MPP7: variants seen among roughly 807,000 people sequenced by gnomAD.
The protein encoded by MPP7 is MAGUK p55 subfamily member 7.
MPP7 carries 60 observed loss-of-function variants against 76.5 expected under a neutral mutation model. That is an observed-to-expected ratio of 0.78 (90% CI 0.64 to 0.97). MPP7 has a LOEUF of 0.97. Ranked by LOEUF, MPP7 falls within the 50% of genes least tolerant of loss-of-function variation. The pLI is 0.00. For synonymous variants in MPP7, 237 were observed against 244.5 expected (o/e 0.97, Z 0.29); for missense variants, 641 against 694.0 (o/e 0.92, Z 0.86).
chr10:28,247,040 T>C (rs972112570), intron 1 of MPP7, among the ~76,000 whole-genome samples: 1 of 152,174 alleles, frequency 6.6e-6, no homozygotes, highest in Non-Finnish European at 1.5e-5. Flanking sequence ...CATAGCCCAT[T>C]ATGACTGATA....
chr10:28,147,654 G>T, intron 4 of MPP7, 91 bp from the exon 5 acceptor site: 1 of 1,081,104 alleles, frequency 9.2e-7, no homozygotes, highest in Non-Finnish European at 1.4e-6. Context: ...CTTGCTCAAG[G>T]CTATTACTTT....
intron 2 of MPP7, among the ~76,000 whole-genome samples, chr10:28,209,353 C>T (rs990669669): frequency 6.6e-6 from 1 of 151,702 alleles, no homozygotes; most frequent in African/African-American, 2.4e-5. Flanking sequence ...TCTATAGCAC[C>T]AGCTACTTGG....
chr10:28,177,032 A>C (rs187370232), intron 3 of MPP7, among the ~76,000 whole-genome samples: 48 of 151,890 alleles, frequency 3.2e-4, no homozygotes, highest in Admixed American at 2.9e-3. Flanking sequence ...ATAATTTAAA[A>C]AAAAAAAAGA....
chr10:28,100,910 C>G (rs913134547), intron 11 of MPP7, among the ~76,000 whole-genome samples: 1 of 151,914 alleles, frequency 6.6e-6, no homozygotes, highest in East Asian at 1.9e-4. Flanking sequence ...AGAGAAGAAA[C>G]CATATGAGAA....
At chr10:28,062,678 A>G (rs1391377709) in intron 13 of MPP7, among the ~76,000 whole-genome samples, 1 of 152,032 alleles carries the variant, frequency 6.6e-6, no homozygotes, top group African/African-American at 2.4e-5. Context: ...CAAAGAAAGC[A>G]TTTTTTAAAA....
chr10:28,194,848 A>C (rs1454634803), intron 3 of MPP7, among the ~76,000 whole-genome samples: 1 of 152,200 alleles, frequency 6.6e-6, no homozygotes, highest in Non-Finnish European at 1.5e-5. Context: ...ATAAACCTTA[A>C]TGTAGATAAT....
Position 28,120,661 on chromosome 10 carries a change from G to T in MPP7, c.623C>A (p.Ser208Tyr). ...AATCTTAAATGTAATTGCTCCCTGA[G>T]ACTGAGCCTGGTAACAGATAAAACA... Reference protein sequence around the residue: ...PEEIIQILAQSQGAITFKIIP... With the variant: ...PEEIIQILAQYQGAITFKIIP... The change falls in exon 9 of 17, where the codon TCT becomes TAT. Residue 208 changes from serine (S) to tyrosine (Y), a missense_variant. By Grantham distance (144) the Ser-to-Tyr change is moderately radical (BLOSUM62 -2). Coordinates refer to ENST00000683449, the MANE Select transcript of MPP7 (RefSeq NM_001318170.2). 1 of 1,613,240 alleles carries T rather than the reference G, an allele frequency of 6.2e-7. No individual in the cohort carries two copies. The highest frequency in any genetic ancestry group is 8.5e-7 in the Non-Finnish European group (1 of 1,179,458).
chr10:28,255,629 T>A (rs1839760504), intron 1 of MPP7, among the ~76,000 whole-genome samples: 1 of 151,876 alleles, frequency 6.6e-6, no homozygotes, highest in Non-Finnish European at 1.5e-5. Flanking sequence ...ATGGTCTCAA[T>A]CTCCTGACCT....
chr10:28,189,596 A>C (rs983743434), intron 3 of MPP7, among the ~76,000 whole-genome samples: 24 of 138,818 alleles, frequency 1.7e-4, no homozygotes, highest in Non-Finnish European at 3.4e-4. Flanking sequence ...AAAAAAAAAA[A>C]AAACCTGTAT....
intron 11 of MPP7, among the ~76,000 whole-genome samples, chr10:28,112,679 A>G (rs1669024361): frequency 6.6e-6 from 1 of 152,178 alleles, no homozygotes. Context: ...AAGTTTGAAC[A>G]AAGAGGAAAA....
chr10:28,099,937 T>C (rs1028950528), intron 11 of MPP7, among the ~76,000 whole-genome samples: 3 of 152,102 alleles, frequency 2.0e-5, no homozygotes, highest in Non-Finnish European at 4.4e-5. Flanking sequence ...TCTTTTTTTC[T>C]CACCTTAAAA....
At chr10:28,153,240 C>T (rs984411546) in intron 3 of MPP7, among the ~76,000 whole-genome samples, 6 of 151,884 alleles carry the variant, frequency 4.0e-5, no homozygotes, top group East Asian at 1.9e-4. Flanking sequence ...GGCTACAGAG[C>T]GAGACTCCAT....
intron 8 of MPP7, among the ~76,000 whole-genome samples, chr10:28,123,601 T>C (rs1309430613): frequency 6.6e-6 from 1 of 151,140 alleles, no homozygotes. Flanking sequence ...CCCAAGTAGC[T>C]AGGACTACAG....
chr10:28,325,725 C>T (rs1189622067), intron 2 of MPP7, among the ~76,000 whole-genome samples: 1 of 151,808 alleles, frequency 6.6e-6, no homozygotes, highest in Non-Finnish European at 1.5e-5. Flanking sequence ...AACTCCTGGC[C>T]TCAAATGATC....
chr10:28,176,339 C>T (rs1836858156), intron 3 of MPP7, among the ~76,000 whole-genome samples: 1 of 143,430 alleles, frequency 7.0e-6, no homozygotes, highest in Admixed American at 6.9e-5. Context: ...GCAGTTGGGT[C>T]AAAAACAAAA....
intron 11 of MPP7, among the ~76,000 whole-genome samples, chr10:28,093,215 T>A (rs879631514): frequency 2.6e-5 from 4 of 152,196 alleles, no homozygotes; most frequent in African/African-American, 4.8e-5. Flanking sequence ...GGTAGAACTA[T>A]AAATTCCTTT....
intron 1 of MPP7, among the ~76,000 whole-genome samples, chr10:28,300,887 A>G (rs1841139019): frequency 6.6e-6 from 1 of 151,530 alleles, no homozygotes; most frequent in Non-Finnish European, 1.5e-5. Context: ...TGAACCAGGG[A>G]GGCAGAGATC....
intron 1 of MPP7, among the ~76,000 whole-genome samples, chr10:28,258,958 A>C (rs555790210): frequency 3.3e-4 from 51 of 152,298 alleles, no homozygotes; most frequent in African/African-American, 1.2e-3. Flanking sequence ...GGAAAAAAGA[A>C]AGAGCCTTTG....
intron 12 of MPP7, 102 bp from the exon 13 acceptor site, chr10:28,069,954 G>A: frequency 1.4e-6 from 1 of 730,768 alleles, no homozygotes. Flanking sequence ...CATGGATCCA[G>A]CTTTGCATCC....
Sources: gnomAD v4.1 joint callset for allele counts (sites outside exome capture counted in the v4.1 genomes callset) on GRCh38, gnomAD v4.1.1 for gene constraint, MANE v1.5 for transcripts, NCBI Gene and HGNC (gene_info 2026-07-23, HGNC 2026-07-21) for gene names.